RORA: variants seen among roughly 807,000 people sequenced by gnomAD.
RORA encodes the protein nuclear receptor ROR-alpha.
RORA carries 7 observed loss-of-function variants against 69.5 expected under a neutral mutation model. That is an observed-to-expected ratio of 0.10 (90% CI 0.06 to 0.19). The LOEUF (loss-of-function observed/expected upper bound fraction) is 0.19, where lower values mean the gene tolerates loss of function less well. RORA is among the 10% of genes least tolerant of loss of function. The pLI is 1.00. For missense variants in RORA, 457 were observed against 663.0 expected (o/e 0.69, Z 3.41); for synonymous variants, 261 against 240.8 (o/e 1.08, Z -0.78).
At chr15:61,001,482 T>C (rs1894743552) in intron 1 of RORA, among the ~76,000 whole-genome samples, 1 of 152,214 alleles carries the variant, frequency 6.6e-6, no homozygotes, top group Non-Finnish European at 1.5e-5. Context: ...ATTTAAGCTT[T>C]ACAGTGCCGC....
intron 1 of RORA, among the ~76,000 whole-genome samples, chr15:61,052,655 C>A (rs143065558): frequency 6.6e-6 from 1 of 152,136 alleles, no homozygotes; most frequent in African/African-American, 2.4e-5. Context: ...ATTCTGAGAG[C>A]GCATTTTGAG....
chr15:60,997,549 C>T (rs1189414408), intron 1 of RORA, among the ~76,000 whole-genome samples: 1 of 151,572 alleles, frequency 6.6e-6, no homozygotes, highest in African/African-American at 2.4e-5. Context: ...ATTGTTTTTC[C>T]CCTGAGAATG....
rs141152925 is a variant in RORA at position 60,940,696 on chromosome 15, G to A, written c.167-262010C>T. Among the ~76,000 whole-genome samples, 347 of 152,290 alleles carry A rather than the reference G, an allele frequency of 2.3e-3. 10 individuals carry two copies. In the East Asian group the frequency reaches 0.041, roughly 18 times the overall value. The stretch of plus-strand genomic sequence containing the variant: ...TAATCCCAGCAGTTTGGGAGTCCGA[G>A]GCAGGTGGATCACGAGGTCAGAAGA... On this transcript the variant is annotated intron_variant, in intron 1 of 10. Coordinates refer to ENST00000335670, the MANE Select transcript of RORA (RefSeq NM_134261.3).
At chr15:61,074,826 C>T (rs2078424690) in intron 1 of RORA, among the ~76,000 whole-genome samples, 1 of 152,150 alleles carries the variant, frequency 6.6e-6, no homozygotes, top group Admixed American at 6.5e-5. Context: ...GTGGCTAGCA[C>T]CTGTAATCCC....
At chr15:60,822,178 A>G (rs2072901378) in intron 1 of RORA, among the ~76,000 whole-genome samples, 1 of 152,216 alleles carries the variant, frequency 6.6e-6, no homozygotes, top group Non-Finnish European at 1.5e-5. Context: ...TCTTACTTCC[A>G]CAACTGAAAT....
intron 1 of RORA, among the ~76,000 whole-genome samples, chr15:60,690,699 A>C (rs2070810457): frequency 6.6e-6 from 1 of 152,212 alleles, no homozygotes; most frequent in South Asian, 2.1e-4. Context: ...TCCCTGAAAA[A>C]GGACAGCAAA....
chr15:61,146,472 AC>A (rs1364526548), intron 1 of RORA, among the ~76,000 whole-genome samples: 10 of 151,880 alleles, frequency 6.6e-5, no homozygotes, highest in Non-Finnish European at 1.3e-4. Flanking sequence ...ACACACACAC[AC>A]ACACACACAC....
At chr15:60,502,675 A>G (rs1371663219) in intron 8 of RORA, 85 bp downstream of exon 8, 2 of 871,318 alleles carry the variant, frequency 2.3e-6, no homozygotes, top group African/African-American at 1.7e-5. Context: ...TAAAGTTTTC[A>G]TTTTGTCCAA....
intron 2 of RORA, among the ~76,000 whole-genome samples, chr15:60,582,791 A>T (rs1041440077): frequency 6.6e-6 from 1 of 152,234 alleles, no homozygotes; most frequent in Non-Finnish European, 1.5e-5. Context: ...CCAGGTTGGG[A>T]GCAGATGACC....
At chr15:60,539,546 T>C (rs919271113) in intron 2 of RORA, among the ~76,000 whole-genome samples, 1 of 152,228 alleles carries the variant, frequency 6.6e-6, no homozygotes, top group Non-Finnish European at 1.5e-5. Context: ...TTTAAGGCAG[T>C]TGACTCTATA....
intron 1 of RORA, among the ~76,000 whole-genome samples, chr15:60,892,723 T>A (rs1223100166): frequency 6.6e-6 from 1 of 152,104 alleles, no homozygotes; most frequent in Non-Finnish European, 1.5e-5. Flanking sequence ...GACAAAGAAA[T>A]ATACTTAGAA....
At chr15:60,793,707 T>C (rs1178603515) in intron 1 of RORA, among the ~76,000 whole-genome samples, 7 of 152,344 alleles carry the variant, frequency 4.6e-5, no homozygotes, top group Admixed American at 3.9e-4. Context: ...ATTCAGTGTG[T>C]CCATGTTTCA....
At chr15:61,024,270 CTTTTTTTTT>C (rs34008494) in intron 1 of RORA, among the ~76,000 whole-genome samples, 36 of 79,416 alleles carry the variant, frequency 4.5e-4, no homozygotes, top group Non-Finnish European at 6.5e-4. Context: ...TCTTGGATCT[CTTTTTTTTT>C]TTTTTTTTTT....
chr15:60,785,967 G>A (rs2140342977), intron 1 of RORA, among the ~76,000 whole-genome samples: 1 of 64 alleles, frequency 0.016, no homozygotes, highest in Middle Eastern at 0.5. Context: ...TCACAAGGTT[G>A]GTACTCAGTA....
intron 1 of RORA, among the ~76,000 whole-genome samples, chr15:60,944,364 G>C (rs1018348793): frequency 1.3e-5 from 2 of 152,276 alleles, no homozygotes; most frequent in East Asian, 3.9e-4. Flanking sequence ...CAGGGACTCT[G>C]CACAAACTGC....
intron 1 of RORA, among the ~76,000 whole-genome samples, chr15:61,212,341 C>T (rs2080000733): frequency 6.6e-6 from 1 of 152,084 alleles, no homozygotes. Flanking sequence ...TGAAATGCAA[C>T]CCGAAACAGC....
intron 1 of RORA, among the ~76,000 whole-genome samples, chr15:61,140,927 G>A (rs1390701054): frequency 1.3e-5 from 2 of 152,064 alleles, no homozygotes; most frequent in African/African-American, 4.8e-5. Context: ...TGAAAAGAGA[G>A]GCTGTTGAAA....
chr15:60,709,631 C>T (rs1283922600), intron 1 of RORA, among the ~76,000 whole-genome samples: 4 of 151,358 alleles, frequency 2.6e-5, no homozygotes, highest in African/African-American at 2.4e-5. Flanking sequence ...GTTGTGCGCT[C>T]GTCATGACAA....
intron 1 of RORA, among the ~76,000 whole-genome samples, chr15:61,207,115 T>C (rs935708713): frequency 4.6e-5 from 7 of 152,148 alleles, no homozygotes; most frequent in African/African-American, 1.7e-4. Flanking sequence ...TAGACACATA[T>C]GTATACATAT....
Sources: gnomAD v4.1 joint callset for allele counts (sites outside exome capture counted in the v4.1 genomes callset) on GRCh38, gnomAD v4.1.1 for gene constraint, MANE v1.5 for transcripts, NCBI Gene and HGNC (gene_info 2026-07-23, HGNC 2026-07-21) for gene names.